HS6ST3: variants seen among roughly 807,000 people sequenced by gnomAD.
HS6ST3 encodes heparan-sulfate 6-O-sulfotransferase 3.
In HS6ST3, 12 loss-of-function variants were observed where a neutral mutation model predicts 36.7. The ratio of observed to expected loss-of-function variants is 0.33; its 90% CI spans 0.21 to 0.53. The LOEUF (loss-of-function observed/expected upper bound fraction) is 0.53. Ranked by LOEUF, HS6ST3 falls within the 20% of genes least tolerant of loss-of-function variation. HS6ST3 has a pLI of 0.95. For missense variants in HS6ST3, 584 were observed against 640.9 expected (o/e 0.91, Z 0.96); for synonymous variants, 240 against 257.5 (o/e 0.93, Z 0.65).
At chr13:96,448,929 A>G (rs1415341438) in intron 1 of HS6ST3, among the ~76,000 whole-genome samples, 2 of 150,474 alleles carry the variant, frequency 1.3e-5, no homozygotes, top group Non-Finnish European at 2.9e-5. Flanking sequence ...TTTTATTTTC[A>G]TTTTGTCTCA....
At chr13:96,287,521 A>C (rs1010210515) in intron 1 of HS6ST3, among the ~76,000 whole-genome samples, 1 of 152,176 alleles carries the variant, frequency 6.6e-6, no homozygotes, top group Non-Finnish European at 1.5e-5. Context: ...AATAATACCT[A>C]ACATAAAATT....
At chr13:96,751,912 C>A (rs1344352787) in intron 1 of HS6ST3, among the ~76,000 whole-genome samples, 1 of 150,684 alleles carries the variant, frequency 6.6e-6, no homozygotes, top group Non-Finnish European at 1.5e-5. Flanking sequence ...TATATAAAAT[C>A]ATATGAAAGT....
At chr13:96,601,288 C>T (rs554935768) in intron 1 of HS6ST3, among the ~76,000 whole-genome samples, 3 of 152,122 alleles carry the variant, frequency 2.0e-5, no homozygotes, top group Non-Finnish European at 2.9e-5. Flanking sequence ...TTTCTTCTCC[C>T]TCAGGAATAT....
At position 96,466,906 on chromosome 13, in the gene HS6ST3, A is replaced by G. The variant is rs532878730; in HGVS notation, c.708-365584A>G. Among the ~76,000 whole-genome samples the G allele has an allele frequency of 2.0e-5, 3 of 152,360 alleles. No individual in the cohort carries two copies. The East Asian group carries it at 5.8e-4, about 29-fold the overall frequency. ...AAACTCTTTGGTCACAGTAGAAGAT[A>G]GTGGGTACCCCTAAGTAGAATTTGA... On this transcript the variant is annotated intron_variant, in intron 1 of 1. Coordinates refer to ENST00000376705, the MANE Select transcript of HS6ST3 (RefSeq NM_153456.4).
At chr13:96,688,897 C>A (rs570387748) in intron 1 of HS6ST3, among the ~76,000 whole-genome samples, 1 of 151,998 alleles carries the variant, frequency 6.6e-6, no homozygotes, top group Non-Finnish European at 1.5e-5. Context: ...TTGAATCCTG[C>A]ATATACTTAA....
At chr13:96,263,711 C>T (rs898443419) in intron 1 of HS6ST3, among the ~76,000 whole-genome samples, 11 of 152,132 alleles carry the variant, frequency 7.2e-5, no homozygotes, top group South Asian at 4.1e-4. Flanking sequence ...TTATAGATAG[C>T]GGAAGCCAAG....
chr13:96,423,828 A>G (rs1322882114), intron 1 of HS6ST3, among the ~76,000 whole-genome samples: 1 of 152,158 alleles, frequency 6.6e-6, no homozygotes, highest in Non-Finnish European at 1.5e-5. Flanking sequence ...GGTGATGAAC[A>G]TGGAAGTAAG....
chr13:96,642,271 A>G (rs968822110), intron 1 of HS6ST3, among the ~76,000 whole-genome samples: 5 of 151,876 alleles, frequency 3.3e-5, no homozygotes, highest in African/African-American at 4.8e-5. Context: ...ACCCTTGTAT[A>G]TAATGAATCA....
At chr13:96,628,999 C>T (rs968475103) in intron 1 of HS6ST3, among the ~76,000 whole-genome samples, 12 of 152,010 alleles carry the variant, frequency 7.9e-5, no homozygotes, top group Non-Finnish European at 1.3e-4. Context: ...TATTCATTTT[C>T]TGTCATGTCT....
intron 1 of HS6ST3, among the ~76,000 whole-genome samples, chr13:96,354,951 A>G: frequency 6.6e-6 from 1 of 152,198 alleles, no homozygotes; most frequent in East Asian, 1.9e-4. Flanking sequence ...CCCATAGAAA[A>G]TATCAAAATC....
chr13:96,754,672 A>G (rs1164087964), intron 1 of HS6ST3, among the ~76,000 whole-genome samples: 4 of 152,156 alleles, frequency 2.6e-5, no homozygotes, highest in African/African-American at 7.2e-5. Context: ...ATATTATTCT[A>G]TATTCTTCTG....
At chr13:96,164,443 GC>G (rs2054151458) in intron 1 of HS6ST3, among the ~76,000 whole-genome samples, 1 of 151,824 alleles carries the variant, frequency 6.6e-6, no homozygotes, top group Admixed American at 6.6e-5. Flanking sequence ...TGTAGGCCTA[GC>G]TACTCGGGAG....
chr13:96,762,741 G>C (rs1228333250), intron 1 of HS6ST3, among the ~76,000 whole-genome samples: 1 of 152,074 alleles, frequency 6.6e-6, no homozygotes, highest in Non-Finnish European at 1.5e-5. Context: ...GGGAGAATAA[G>C]GTATATTTAT....
chr13:96,095,998 T>TA (rs1251883151), intron 1 of HS6ST3, among the ~76,000 whole-genome samples: 1 of 151,622 alleles, frequency 6.6e-6, no homozygotes, highest in Non-Finnish European at 1.5e-5. Context: ...TAGGTGCAAA[T>TA]ACATGAGAAA....
rs556433725 is a variant in HS6ST3, at chr13:96,783,683, A to G, written c.708-48807A>G. 4.0e-5 allele frequency among the ~76,000 whole-genome samples: 6 copies of G among 151,770 alleles called. No homozygotes were observed. In the East Asian group the frequency reaches 9.7e-4, roughly 25 times the overall value. On this transcript the variant is annotated intron_variant, in intron 1 of 1. Coordinates refer to ENST00000376705, the MANE Select transcript of HS6ST3 (RefSeq NM_153456.4). Reference sequence around the variant, plus strand: ...CACTTCAGGTTTGTTAGGCAATTTGAGACAATATAAACCATTTCCTTTTAC... The same window carrying G: ...CACTTCAGGTTTGTTAGGCAATTTGGGACAATATAAACCATTTCCTTTTAC...
intron 1 of HS6ST3, among the ~76,000 whole-genome samples, chr13:96,208,217 G>C (rs1488988987): frequency 6.6e-6 from 1 of 151,814 alleles, no homozygotes; most frequent in African/African-American, 2.4e-5. Context: ...CAATATATTG[G>C]TCTTCAACTG....
chr13:96,746,096 C>G (rs186739659), intron 1 of HS6ST3, among the ~76,000 whole-genome samples: 64 of 152,158 alleles, frequency 4.2e-4, no homozygotes, highest in Admixed American at 1.9e-3. Context: ...TGAAACTTGT[C>G]CAGCCCAACT....
chr13:96,473,275 GA>G (rs1309251195), intron 1 of HS6ST3, among the ~76,000 whole-genome samples: 1 of 152,144 alleles, frequency 6.6e-6, no homozygotes, highest in Non-Finnish European at 1.5e-5. Flanking sequence ...TTTCTTATTG[GA>G]AAAACTAAGG....
At chr13:96,449,107 G>A (rs908896029) in intron 1 of HS6ST3, among the ~76,000 whole-genome samples, 24 of 151,888 alleles carry the variant, frequency 1.6e-4, no homozygotes, top group African/African-American at 3.1e-4. Context: ...TACTACAGGC[G>A]CGTGCCACCA....
Sources: gnomAD v4.1 joint callset for allele counts (sites outside exome capture counted in the v4.1 genomes callset) on GRCh38, gnomAD v4.1.1 for gene constraint, MANE v1.5 for transcripts, NCBI Gene and HGNC (gene_info 2026-07-23, HGNC 2026-07-21) for gene names.